Variants in MCEE observed in about 807,000 individuals in gnomAD.
MCEE encodes the protein methylmalonyl-CoA epimerase, mitochondrial.
In MCEE, 6 loss-of-function variants were observed where a neutral mutation model predicts 12.9. The ratio of observed to expected loss-of-function variants is 0.47; its 90% CI spans 0.26 to 0.92. The LOEUF (loss-of-function observed/expected upper bound fraction) is 0.92, where lower values mean the gene tolerates loss of function less well. MCEE is among the 40% of genes least tolerant of loss of function. The pLI, the probability that MCEE is intolerant of heterozygous loss-of-function variation, is 0.16. For synonymous variants in MCEE, 78 were observed against 77.9 expected (o/e 1.00, Z -0.01); for missense variants, 214 against 212.1 (o/e 1.01, Z -0.05).
chr2:71,129,487 G>C (rs935922932), intron 1 of MCEE, among the ~76,000 whole-genome samples: 4 of 113,600 alleles, frequency 3.5e-5, no homozygotes, highest in Non-Finnish European at 8.0e-5. Context: ...TCTCATAAAA[G>C]GAGGAAGAGA....
chr2:71,125,207 A>ATTTTTTTTTTT (rs1217307224), intron 1 of MCEE, among the ~76,000 whole-genome samples: 12 of 46,596 alleles, frequency 2.6e-4, no homozygotes, highest in African/African-American at 6.2e-4. Context: ...ATATATATAT[A>ATTTTTTTTTTT]TATATTTTTT....
Position 71,124,589 on chromosome 2 carries a change from G to A in MCEE, c.41-46C>T, listed in dbSNP as rs549014422. Reference sequence around the variant, plus strand: ...TGATATCCTTCTTTTGAGAATTAACGCACTTCTAAATTGAATTTTAAAAAC... The same window carrying A: ...TGATATCCTTCTTTTGAGAATTAACACACTTCTAAATTGAATTTTAAAAAC... On this transcript the variant is annotated intron_variant, in intron 1 of 2. Transcript: ENST00000244217. 7.2e-5 allele frequency: 102 copies of A among 1,421,730 alleles called. No homozygotes were observed. In the Admixed American group the frequency reaches 1.1e-3, roughly 15 times the overall value. The allele number at this position is 1,421,730 out of a possible 1,614,324, so 88.1% of individuals were successfully genotyped here. A position where few individuals can be genotyped will look rare whatever the true frequency, so the allele number is the denominator to read the frequency against.
chr2:71,111,423 G>A (rs939349640), intron 2 of MCEE, among the ~76,000 whole-genome samples: 5 of 152,052 alleles, frequency 3.3e-5, no homozygotes, highest in African/African-American at 9.7e-5. Context: ...TGCGTTAGGT[G>A]GGATTGGAGC....
intron 2 of MCEE, among the ~76,000 whole-genome samples, chr2:71,114,352 A>T (rs985574461): frequency 0.027 from 93 of 3,496 alleles, no homozygotes; most frequent in East Asian, 0.5. Flanking sequence ...AATAAAATTA[A>T]AAAAAAAAAA....
chr2:71,125,303 G>C (rs796901516), intron 1 of MCEE, among the ~76,000 whole-genome samples: 60 of 146,982 alleles, frequency 4.1e-4, no homozygotes, highest in African/African-American at 1.5e-3. Flanking sequence ...CCGCCCCCCA[G>C]GTTCAAGCGA....
intron 2 of MCEE, among the ~76,000 whole-genome samples, chr2:71,122,865 CT>C (rs1673126448): frequency 6.6e-6 from 1 of 152,204 alleles, no homozygotes; most frequent in South Asian, 2.1e-4. Context: ...TAACTTTCTC[CT>C]TTTGTTCACC....
chr2:71,119,251 G>A (rs1343240842), intron 2 of MCEE, among the ~76,000 whole-genome samples: 3 of 150,316 alleles, frequency 2.0e-5, no homozygotes, highest in Non-Finnish European at 2.9e-5. Context: ...GGATGGTGGC[G>A]CCTACTACAC....
intron 2 of MCEE, among the ~76,000 whole-genome samples, chr2:71,113,115 A>T (rs76493151): frequency 6.6e-6 from 1 of 152,348 alleles, no homozygotes; most frequent in East Asian, 1.9e-4. Flanking sequence ...ACAACGAAGT[A>T]GATGGATGGC....
intron 1 of MCEE, among the ~76,000 whole-genome samples, chr2:71,125,020 C>T (rs772866433): frequency 2.7e-5 from 4 of 150,712 alleles, no homozygotes; most frequent in Non-Finnish European, 5.9e-5. Context: ...GCTCTGTTGC[C>T]CAGGCCGGAG....
intron 2 of MCEE, among the ~76,000 whole-genome samples, chr2:71,113,352 C>T (rs946035790): frequency 3.3e-5 from 5 of 152,042 alleles, no homozygotes; most frequent in African/African-American, 1.2e-4. Context: ...GGGCAAGAAC[C>T]AATGACACAC....
intron 2 of MCEE, among the ~76,000 whole-genome samples, chr2:71,111,390 A>G (rs919235114): frequency 2.6e-5 from 4 of 152,084 alleles, no homozygotes; most frequent in African/African-American, 9.7e-5. Context: ...ATTCATATCA[A>G]TATTATTAAG....
chr2:71,124,055 G>T (rs966636678), intron 2 of MCEE, 151 bp downstream of exon 2: 4 of 634,112 alleles, frequency 6.3e-6, no homozygotes, highest in Non-Finnish European at 1.1e-5. Context: ...TGTATGTAAG[G>T]ATCCACCTTT....
At chr2:71,118,687 T>A (rs1218262093) in intron 2 of MCEE, among the ~76,000 whole-genome samples, 1 of 149,902 alleles carries the variant, frequency 6.7e-6, no homozygotes, top group East Asian at 1.9e-4. Flanking sequence ...ATAGGCCTAC[T>A]GCTCATGAAT....
rs1356110599 is a variant in MCEE, at chr2:71,109,996, C to T, written c.505G>A (p.Val169Ile). The change falls in exon 3 of 3, where the codon GTC becomes ATC. Residue 169 changes from valine to isoleucine, a missense_variant. Coordinates refer to ENST00000244217, the MANE Select transcript of MCEE (RefSeq NM_032601.4). Reference sequence around the variant, plus strand: ...CAAGCTTGCTCCAGTTCCACAAGGACTCCACCACAGTCTTTAGGATGGAGA... The same window carrying T: ...CAAGCTTGCTCCAGTTCCACAAGGATTCCACCACAGTCTTTAGGATGGAGA... ...IFLHPKDCGG[V>I]LVELEQA 1 of 1,613,636 alleles carries T rather than the reference C, an allele frequency of 6.2e-7. No individual in the cohort carries two copies.
At chr2:71,124,125 G>T in intron 2 of MCEE, 81 bp downstream of exon 2, 2 of 1,040,778 alleles carry the variant, frequency 1.9e-6, no homozygotes, top group South Asian at 2.8e-5. Context: ...TAATGACAGT[G>T]ACCATAAATA....
chr2:71,120,138 T>A (rs144979014), intron 2 of MCEE, among the ~76,000 whole-genome samples: 1 of 150,270 alleles, frequency 6.7e-6, no homozygotes, highest in Non-Finnish European at 1.5e-5. Context: ...ACTCAGGTGT[T>A]ACAGAGCAGC....
chr2:71,121,177 C>T (rs1451670768), intron 2 of MCEE, among the ~76,000 whole-genome samples: 1 of 152,180 alleles, frequency 6.6e-6, no homozygotes, highest in African/African-American at 2.4e-5. Flanking sequence ...ATTCCCCAGC[C>T]TCCCTTGCAG....
chr2:71,117,201 A>G (rs981130272), intron 2 of MCEE, among the ~76,000 whole-genome samples: 2 of 150,538 alleles, frequency 1.3e-5, no homozygotes, highest in African/African-American at 5.0e-5. Flanking sequence ...CAAAAGCTAA[A>G]AGCTGAGTGA....
rs1255407131 is a variant in MCEE at position 71,124,333 on chromosome 2, A to G, written c.251T>C (p.Val84Ala). 1 of 1,614,092 alleles carries G rather than the reference A, an allele frequency of 6.2e-7. No individual in the cohort carries two copies. Among genetic ancestry groups the G allele is most frequent in the Admixed American group, 1.7e-5 (1 of 60,010 alleles). Residue 84 changes from valine (V) to alanine (A), a missense_variant, in exon 2 of 3, where the codon GTA (valine) becomes GCA (alanine). By Grantham distance (64) the Val-to-Ala change is moderately conservative (BLOSUM62 0). Transcript: ENST00000244217. Reference protein sequence around the residue: ...SEAVPLPEHGVSVVFVNLGNT... With the variant: ...SEAVPLPEHGASVVFVNLGNT... ...TCCCAGGTTGACAAAAACAACAGAT[A>G]CTCCATGTTCAGGAAGAGGGACCGC...
Sources: gnomAD v4.1 joint callset for allele counts (sites outside exome capture counted in the v4.1 genomes callset) on GRCh38, gnomAD v4.1.1 for gene constraint, MANE v1.5 for transcripts, NCBI Gene and HGNC (gene_info 2026-07-23, HGNC 2026-07-21) for gene names.